Variants in PARP15 observed in about 807,000 individuals in gnomAD.
PARP15 encodes the protein poly(ADP-ribose) polymerase family member 15, also known as protein mono-ADP-ribosyltransferase PARP15.
Under a neutral mutation model 62.1 loss-of-function variants are expected in PARP15, and 50 were observed. The ratio of observed to expected loss-of-function variants is 0.81; its 90% CI spans 0.64 to 1.02. The LOEUF is 1.02. Ranked by LOEUF, PARP15 falls within the 50% of genes least tolerant of loss-of-function variation. The pLI, the probability that PARP15 is intolerant of heterozygous loss-of-function variation, is 0.00. For synonymous variants in PARP15, 309 were observed against 293.1 expected, an observed-to-expected ratio of 1.05 and a Z score of -0.55; for missense variants, 820 against 826.5, an observed-to-expected ratio of 0.99 and a Z score of 0.10.
intron 1 of PARP15, among the ~76,000 whole-genome samples, chr3:122,585,691 T>C (rs1424473804): frequency 1.3e-5 from 2 of 152,234 alleles, no homozygotes; most frequent in South Asian, 2.1e-4. Flanking sequence ...CTGATACAGT[T>C]ACATTTTTGC....
chr3:122,593,850 AAGTT>A (rs1934137780), intron 1 of PARP15, among the ~76,000 whole-genome samples: 1 of 152,158 alleles, frequency 6.6e-6, no homozygotes, highest in Non-Finnish European at 1.5e-5. Context: ...AGAAAAAAAA[AAGTT>A]GTGCTCTTTC....
intron 1 of PARP15, among the ~76,000 whole-genome samples, chr3:122,603,774 A>G (rs967352059): frequency 1.3e-5 from 2 of 152,258 alleles, no homozygotes; most frequent in Non-Finnish European, 2.9e-5. Flanking sequence ...CAGAAGAGTA[A>G]CAAATCATGA....
chr3:122,606,796 G>A (rs1317274771), intron 2 of PARP15, among the ~76,000 whole-genome samples: 2 of 152,186 alleles, frequency 1.3e-5, no homozygotes, highest in African/African-American at 4.8e-5. Flanking sequence ...AGAATCACTG[G>A]TTCAGATGCT....
intron 8 of PARP15, among the ~76,000 whole-genome samples, chr3:122,621,821 C>CA (rs1936368891): frequency 6.6e-6 from 1 of 152,124 alleles, no homozygotes; most frequent in Non-Finnish European, 1.5e-5. Flanking sequence ...TTTTTCAAGA[C>CA]AGAGTCTCAC....
intron 1 of PARP15, among the ~76,000 whole-genome samples, chr3:122,583,112 A>ATAT: frequency 1.2e-5 from 1 of 84,320 alleles, no homozygotes; most frequent in Non-Finnish European, 2.4e-5. Flanking sequence ...TATCATCTGT[A>ATAT]TCTTTTTTTT....
At chr3:122,624,151 G>A (rs992232927) in intron 8 of PARP15, among the ~76,000 whole-genome samples, 3 of 143,910 alleles carry the variant, frequency 2.1e-5, no homozygotes, top group African/African-American at 4.9e-5. Context: ...ACTCTATCTC[G>A]GAAAAAAAAA....
At chr3:122,615,393 C>T (rs1488460935) in intron 4 of PARP15, 1 of 1,297,274 alleles carries the variant, frequency 7.7e-7, no homozygotes, top group Non-Finnish European at 1.0e-6. Context: ...TGTTGCCCTG[C>T]CCCCTGCTCA....
chr3:122,605,363 GA>G (rs1448491932), intron 1 of PARP15, among the ~76,000 whole-genome samples: 2 of 152,140 alleles, frequency 1.3e-5, no homozygotes, highest in African/African-American at 2.4e-5. Flanking sequence ...GGGGAATACA[GA>G]CAGGGTTGGC....
At chr3:122,617,829 A>T (rs1936086159) in intron 6 of PARP15, among the ~76,000 whole-genome samples, 1 of 152,212 alleles carries the variant, frequency 6.6e-6, no homozygotes, top group Admixed American at 6.5e-5. Context: ...CCCGGGTTCA[A>T]GTGATTCTCA....
At chr3:122,603,881 T>C (rs1559949385) in intron 1 of PARP15, among the ~76,000 whole-genome samples, 1 of 152,180 alleles carries the variant, frequency 6.6e-6, no homozygotes, top group South Asian at 2.1e-4. Flanking sequence ...AAAATTGATA[T>C]CCTTTTTGAG....
chr3:122,582,582 G>C (rs1933038714), intron 1 of PARP15, among the ~76,000 whole-genome samples: 1 of 152,130 alleles, frequency 6.6e-6, no homozygotes, highest in Admixed American at 6.5e-5. Flanking sequence ...TTACCCTTCT[G>C]TGTGTAATTC....
chr3:122,637,855 T>C lies in PARP15; in HGVS notation c.*1755T>C, dbSNP rs1937450068. The C allele has an allele frequency of 6.6e-6, 1 of 152,194 alleles. No homozygotes were observed. The highest frequency in any genetic ancestry group is 2.4e-5 in the African/African-American group (1 of 41,422). 9.4% of individuals were successfully genotyped at this position (152,194 alleles called of 1,614,324 possible). On this transcript the variant is annotated 3_prime_UTR_variant, in exon 12 of 12. Transcript: ENST00000464300. ...GGGTACATGTGCACAATGTGCAGTT[T>C]AGTTACATATGTAAACATGTGCCAT...
chr3:122,616,323 C>T (rs1935965054), intron 5 of PARP15, among the ~76,000 whole-genome samples: 1 of 147,290 alleles, frequency 6.8e-6, no homozygotes, highest in South Asian at 2.1e-4. Flanking sequence ...TTCCTCTGAG[C>T]AGTCTTTTTT....
chr3:122,593,110 A>ATCTATCTATCTG (rs1934063271), intron 1 of PARP15, among the ~76,000 whole-genome samples: 1 of 90,412 alleles, frequency 1.1e-5, no homozygotes, highest in African/African-American at 3.0e-5. Flanking sequence ...CTATCTATCT[A>ATCTATCTATCTG]TCTATCTATC....
At position 122,635,934 on chromosome 3, in the gene PARP15, T is replaced by C; in HGVS notation, c.1871T>C (p.Val624Ala). The change falls in exon 12 of 12, where the codon GTC becomes GCC. Residue 624 changes from valine (V) to alanine (A), a missense_variant. Val to Ala is a moderately conservative substitution (Grantham distance 64). This residue lies in a region of PARP15 where 84 missense variants were observed against 79.7 expected (regional missense o/e 1.05). Transcript: ENST00000464300. ...TACGTTGTGCGAGTACTTACTGGAG[T>C]CTTCACAAAGGGACGTGCAGGATTA... ...HMYVVRVLTG[V>A]FTKGRAGLVT... is the part of the protein sequence containing the mutation. 1.2e-6 allele frequency: 2 copies of C among 1,613,358 alleles called. No individual in the cohort carries two copies. The highest frequency in any genetic ancestry group is 1.7e-6 in the Non-Finnish European group (2 of 1,179,518).
intron 10 of PARP15, 81 bp downstream of exon 10, chr3:122,632,300 C>A: frequency 7.5e-7 from 1 of 1,326,386 alleles, no homozygotes; most frequent in Non-Finnish European, 1.0e-6. Context: ...AACACCCTTC[C>A]TTCCTTTGTA....
At chr3:122,615,293 T>C (rs1935881344) in intron 4 of PARP15, 1 of 1,289,636 alleles carries the variant, frequency 7.8e-7, no homozygotes, top group Admixed American at 2.3e-5. Flanking sequence ...CAGGAGGCTT[T>C]GGCTGGACCT....
intron 1 of PARP15, among the ~76,000 whole-genome samples, chr3:122,598,463 T>A (rs901344404): frequency 4.6e-5 from 7 of 152,136 alleles, no homozygotes; most frequent in Non-Finnish European, 8.8e-5. Context: ...ATGGCTCCTG[T>A]CAGACACTAC....
chr3:122,596,720 T>C (rs1934384979), intron 1 of PARP15, among the ~76,000 whole-genome samples: 1 of 152,218 alleles, frequency 6.6e-6, no homozygotes, highest in Non-Finnish European at 1.5e-5. Context: ...CTTTGGATAA[T>C]ATGACCAAAT....
Sources: gnomAD v4.1 joint callset for allele counts (sites outside exome capture counted in the v4.1 genomes callset) on GRCh38, gnomAD v4.1.1 for gene constraint, gnomAD v4.1.1 regional missense constraint, MANE v1.5 for transcripts, NCBI Gene and HGNC (gene_info 2026-07-23, HGNC 2026-07-21) for gene names.